Variants in AMPH observed in about 807,000 individuals in gnomAD.
AMPH encodes the protein amphiphysin.
Under a neutral mutation model 99.1 loss-of-function variants are expected in AMPH, and 49 were observed. That is an observed-to-expected ratio of 0.49 (90% CI 0.39 to 0.63). The LOEUF (loss-of-function observed/expected upper bound fraction) is 0.63. Ranked by LOEUF, AMPH falls within the 20% of genes least tolerant of loss-of-function variation. The probability of loss-of-function intolerance (pLI) is 0.00; values close to 1 mark genes in which losing one functional copy is unlikely to be tolerated. For missense variants in AMPH, 759 were observed against 863.4 expected (o/e 0.88, Z 1.52); for synonymous variants, 314 against 317.3 (o/e 0.99, Z 0.11).
chr7:38,559,310 C>T (rs921327708), intron 1 of AMPH, among the ~76,000 whole-genome samples: 2 of 152,346 alleles, frequency 1.3e-5, no homozygotes, highest in South Asian at 4.1e-4. Flanking sequence ...ACAGCTCACC[C>T]GCACAAGGTG....
intron 1 of AMPH, among the ~76,000 whole-genome samples, chr7:38,581,385 G>A (rs1186274349): frequency 6.6e-6 from 1 of 152,126 alleles, no homozygotes; most frequent in African/African-American, 2.4e-5. Context: ...GGGCACTCTA[G>A]GACGATGACA....
At chr7:38,613,895 G>A (rs753622177) in intron 1 of AMPH, among the ~76,000 whole-genome samples, 5 of 151,728 alleles carry the variant, frequency 3.3e-5, no homozygotes, top group Non-Finnish European at 7.4e-5. Flanking sequence ...GGATGCCACA[G>A]CAGTTCCATA....
intron 5 of AMPH, among the ~76,000 whole-genome samples, chr7:38,482,301 G>A (rs1359633074): frequency 6.6e-6 from 1 of 152,068 alleles, no homozygotes; most frequent in Non-Finnish European, 1.5e-5. Context: ...CTTACCTTCA[G>A]GGCATCCAGC....
intron 2 of AMPH, among the ~76,000 whole-genome samples, chr7:38,521,489 C>G (rs1789961415): frequency 6.6e-6 from 1 of 152,114 alleles, no homozygotes; most frequent in African/African-American, 2.4e-5. Flanking sequence ...CCACTTCACT[C>G]CAGCCTGGGT....
intron 11 of AMPH, among the ~76,000 whole-genome samples, chr7:38,456,311 C>T (rs1409848579): frequency 1.3e-5 from 2 of 152,200 alleles, no homozygotes; most frequent in Non-Finnish European, 2.9e-5. Flanking sequence ...GTCCGCAGGG[C>T]AGTGTGGTGC....
chr7:38,454,448 G>A (rs894291722), intron 11 of AMPH, among the ~76,000 whole-genome samples: 1 of 151,920 alleles, frequency 6.6e-6, no homozygotes, highest in African/African-American at 2.4e-5. Context: ...CATGACTTCT[G>A]TATGGTCTTT....
chr7:38,606,177 TTTG>T (rs1247866709), intron 1 of AMPH, among the ~76,000 whole-genome samples: 4 of 152,162 alleles, frequency 2.6e-5, no homozygotes, highest in African/African-American at 9.7e-5. Flanking sequence ...GGTTTAGGGA[TTTG>T]TTTTTTGCTT....
intron 3 of AMPH, among the ~76,000 whole-genome samples, chr7:38,497,713 G>A (rs1195939610): frequency 4.6e-5 from 7 of 152,152 alleles, no homozygotes; most frequent in Non-Finnish European, 7.3e-5. Context: ...TTGCTTAGAC[G>A]AGAGCTGTGT....
At chr7:38,421,705 A>G (rs535294732) in intron 16 of AMPH, among the ~76,000 whole-genome samples, 4 of 152,364 alleles carry the variant, frequency 2.6e-5, no homozygotes, top group Middle Eastern at 3.4e-3. Flanking sequence ...TGAGAAAACC[A>G]TAGTGCTACA....
At chr7:38,569,776 G>T (rs1031881809) in intron 1 of AMPH, among the ~76,000 whole-genome samples, 2 of 152,160 alleles carry the variant, frequency 1.3e-5, no homozygotes, top group African/African-American at 4.8e-5. Flanking sequence ...TGATTAGGCT[G>T]ACCACAGCCT....
chr7:38,412,124 T>A (rs1785233797), intron 17 of AMPH, among the ~76,000 whole-genome samples: 1 of 152,122 alleles, frequency 6.6e-6, no homozygotes, highest in African/African-American at 2.4e-5. Flanking sequence ...GGGCTGTGAT[T>A]TGAGGTGATG....
intron 2 of AMPH, among the ~76,000 whole-genome samples, chr7:38,525,277 T>TATATATATATATAGAGAG (rs1481528083): frequency 3.8e-4 from 33 of 86,632 alleles, no homozygotes; most frequent in African/African-American, 1.5e-3. Context: ...TATATATATA[T>TATATATATATATAGAGAG]AGAGAGAGAG....
intron 17 of AMPH, among the ~76,000 whole-genome samples, chr7:38,411,447 T>C (rs990636387): frequency 6.6e-6 from 1 of 152,182 alleles, no homozygotes; most frequent in Non-Finnish European, 1.5e-5. Context: ...TTCCTGATCA[T>C]GTTTAAGGTC....
intron 4 of AMPH, among the ~76,000 whole-genome samples, chr7:38,493,002 G>C (rs569535735): frequency 6.6e-6 from 1 of 152,312 alleles, no homozygotes; most frequent in South Asian, 2.1e-4. Context: ...TGTGCGGTCT[G>C]CTTTGGCCAA....
intron 2 of AMPH, among the ~76,000 whole-genome samples, chr7:38,514,892 A>C (rs929797896): frequency 1.1e-4 from 17 of 152,182 alleles, no homozygotes; most frequent in African/African-American, 9.7e-5. Context: ...AATGCAGAAG[A>C]AGCTTTAGAA....
At chr7:38,463,369 G>T (rs1787530367) in intron 9 of AMPH, among the ~76,000 whole-genome samples, 1 of 152,126 alleles carries the variant, frequency 6.6e-6, no homozygotes, top group South Asian at 2.1e-4. Context: ...CACTTTACAA[G>T]TAGTAAAGTG....
chr7:38,506,045 C>G (rs1465574495), intron 2 of AMPH, among the ~76,000 whole-genome samples: 4 of 152,168 alleles, frequency 2.6e-5, no homozygotes, highest in African/African-American at 9.7e-5. Flanking sequence ...TAAAAGCCAT[C>G]ACATGCTCCT....
At chr7:38,598,732 A>G (rs774318072) in intron 1 of AMPH, among the ~76,000 whole-genome samples, 55 of 140,624 alleles carry the variant, frequency 3.9e-4, no homozygotes, top group Admixed American at 8.8e-4. Context: ...TTGATTTGTC[A>G]TCTTAGTTAT....
intron 4 of AMPH, among the ~76,000 whole-genome samples, chr7:38,492,062 C>T (rs887293273): frequency 3.9e-5 from 6 of 152,194 alleles, no homozygotes; most frequent in Non-Finnish European, 7.3e-5. Context: ...TAGCACATTC[C>T]AGGTCTCTTG....
Sources: allele counts gnomAD v4.1 joint callset (sites outside exome capture counted in the v4.1 genomes callset), GRCh38; gene constraint gnomAD v4.1.1; transcripts MANE v1.5; gene names NCBI Gene and HGNC (gene_info 2026-07-23, HGNC 2026-07-21).